The following CHODL variants were observed in gnomAD, a reference collection of about 807,000 sequenced individuals.
CHODL encodes chondrolectin, also known as transmembrane protein MT75.
In CHODL, 29 loss-of-function variants were observed where a neutral mutation model predicts 34.5. That is an observed-to-expected ratio of 0.84 (90% CI 0.63 to 1.15). The LOEUF is 1.15. Ranked by LOEUF, CHODL falls within the 50% of genes most tolerant of loss-of-function variation. CHODL has a pLI of 0.00. For synonymous variants in CHODL, 125 were observed against 116.1 expected, an observed-to-expected ratio of 1.08 and a Z score of -0.49; for missense variants, 332 against 332.5, an observed-to-expected ratio of 1.00 and a Z score of 0.01.
chr21:17,935,645 C>T (rs1159408287), intron 1 of CHODL, among the ~76,000 whole-genome samples: 1 of 152,098 alleles, frequency 6.6e-6, no homozygotes, highest in Non-Finnish European at 1.5e-5. Flanking sequence ...ATATAGATGA[C>T]ATAATTGATG....
At chr21:17,923,466 T>G (rs949103743) in intron 1 of CHODL, among the ~76,000 whole-genome samples, 2 of 150,842 alleles carry the variant, frequency 1.3e-5, no homozygotes, top group Non-Finnish European at 3.0e-5. Context: ...TCTTCAGTTT[T>G]TTTTTTTTTT....
At chr21:18,157,984 G>A (rs1057202336) in intron 2 of CHODL, among the ~76,000 whole-genome samples, 2 of 150,248 alleles carry the variant, frequency 1.3e-5, no homozygotes, top group Admixed American at 1.3e-4. Flanking sequence ...AAAAGGAAAG[G>A]CAATAATAAA....
intron 2 of CHODL, among the ~76,000 whole-genome samples, chr21:18,201,746 T>G (rs1233130240): frequency 6.6e-6 from 1 of 152,000 alleles, no homozygotes; most frequent in East Asian, 1.9e-4. Flanking sequence ...TGTTGTGACT[T>G]ATAGACCAGC....
chr21:18,092,274 C>G (rs2065083179), intron 2 of CHODL, among the ~76,000 whole-genome samples: 1 of 152,180 alleles, frequency 6.6e-6, no homozygotes, highest in African/African-American at 2.4e-5. Context: ...AAGGTGGTAC[C>G]TCTGTGAATG....
At chr21:17,979,633 T>C (rs1013844257) in intron 1 of CHODL, among the ~76,000 whole-genome samples, 1 of 152,198 alleles carries the variant, frequency 6.6e-6, no homozygotes, top group Non-Finnish European at 1.5e-5. Flanking sequence ...CTAAGTATGA[T>C]TTCTGAAGAT....
In CHODL at chr21:18,047,044, C is replaced by G. The variant is rs541649345; in HGVS notation, c.-45+19073C>G. Among the ~76,000 whole-genome samples the G allele has an allele frequency of 7.8e-4, 118 of 152,064 alleles. 1 individual carries two copies. The highest frequency in any genetic ancestry group is 2.8e-3 in the African/African-American group (116 of 41,538). ...CTCCAAAGTAAGCAGTTCCCTGACA[C>G]TGGTGATTTGCAAATATTAAATCCA... is the stretch of plus-strand genomic sequence containing the variant. On this transcript the variant is annotated intron_variant, in intron 2 of 6. Transcript: ENST00000400127.
intron 2 of CHODL, among the ~76,000 whole-genome samples, chr21:18,076,778 A>G (rs2064872040): frequency 6.6e-6 from 1 of 152,226 alleles, no homozygotes; most frequent in Non-Finnish European, 1.5e-5. Context: ...GCCACTGGAG[A>G]GAGCCCTCAT....
At chr21:18,034,700 G>A (rs1267757863) in intron 2 of CHODL, 1 of 152,030 alleles carries the variant, frequency 6.6e-6, no homozygotes, top group Non-Finnish European at 1.5e-5. Flanking sequence ...CAGGCAATCT[G>A]AATTTAGAAG....
intron 2 of CHODL, among the ~76,000 whole-genome samples, chr21:18,053,525 TAATA>T (rs1203350552): frequency 6.6e-6 from 1 of 151,952 alleles, no homozygotes; most frequent in Non-Finnish European, 1.5e-5. Flanking sequence ...CAAATGACAT[TAATA>T]TTTTAGAAAT....
chr21:18,248,673 C>CATATATATGTATATATTATATACAT (rs1171455904), intron 1 of CHODL, among the ~76,000 whole-genome samples: 1 of 107,316 alleles, frequency 9.3e-6, no homozygotes, highest in African/African-American at 3.9e-5. Context: ...ATGTATAATA[C>CATATATATGTATATATTATATACAT]ATATATGTAT....
At chr21:18,196,483 A>C (rs904518181) in intron 2 of CHODL, among the ~76,000 whole-genome samples, 4 of 152,168 alleles carry the variant, frequency 2.6e-5, no homozygotes, top group African/African-American at 9.7e-5. Context: ...GGAAATTAAC[A>C]GTAATTGGTG....
chr21:18,076,737 T>C (rs158031), intron 2 of CHODL, among the ~76,000 whole-genome samples: 54,405 of 151,978 alleles, frequency 0.36, 11,208 homozygotes, highest in East Asian at 0.86. Flanking sequence ...GCATTACAGG[T>C]CTAGGGTGCA....
chr21:17,945,061 A>C (rs2063395055), intron 1 of CHODL, among the ~76,000 whole-genome samples: 1 of 151,600 alleles, frequency 6.6e-6, no homozygotes, highest in South Asian at 2.1e-4. Flanking sequence ...ATACAAAAAA[A>C]ATTAGCCGGG....
intron 2 of CHODL, among the ~76,000 whole-genome samples, chr21:18,222,130 G>A (rs2073890222): frequency 6.6e-6 from 1 of 152,160 alleles, no homozygotes; most frequent in Non-Finnish European, 1.5e-5. Context: ...GCTTTTGGTG[G>A]TAGTGGCCTC....
Position 17,977,930 on chromosome 21 carries a change from A to AAAAAAAG in CHODL, c.-144-49938_-144-49937insAAGAAAA, listed in dbSNP as rs1157454717. ...AACACTCCCATCTCAAAAAAAAAAA[A>AAAAAAAG]AAAAGAAAAAGATACATGGAAGGTA... On this transcript the variant is annotated intron_variant, in intron 1 of 6. Coordinates refer to the CHODL transcript ENST00000400127. Among the ~76,000 whole-genome samples the AAAAAAAG allele has an allele frequency of 4.1e-4, 61 of 149,434 alleles. 3 individuals are homozygous for AAAAAAAG. Among genetic ancestry groups the AAAAAAAG allele is most frequent in the African/African-American group, 1.4e-3 (57 of 41,106 alleles).
intron 2 of CHODL, among the ~76,000 whole-genome samples, chr21:18,127,672 GTTTTTTTTTTTTTTT>G (rs71318127): frequency 1.4e-5 from 1 of 70,006 alleles, no homozygotes; most frequent in Non-Finnish European, 2.7e-5. Context: ...CGTTGCCATT[GTTTTTTTTTTTTTTT>G]TTTTTTTTTT....
At chr21:18,041,436 AT>A (rs373307102) in intron 2 of CHODL, among the ~76,000 whole-genome samples, 1,863 of 151,190 alleles carry the variant, frequency 0.012, 39 homozygotes, top group African/African-American at 0.041. Context: ...AACAATAGCT[AT>A]TTTTTTTTAA....
chr21:17,992,000 A>T (rs2063801289), intron 1 of CHODL, among the ~76,000 whole-genome samples: 1 of 152,104 alleles, frequency 6.6e-6, no homozygotes, highest in African/African-American at 2.4e-5. Flanking sequence ...TGATGTTTGT[A>T]TATGGTGAGA....
At chr21:18,108,441 C>G (rs1024027854) in intron 2 of CHODL, among the ~76,000 whole-genome samples, 8 of 152,240 alleles carry the variant, frequency 5.3e-5, no homozygotes, top group African/African-American at 9.6e-5. Context: ...ACAGCAAGTT[C>G]TATGTTGAAT....
Sources: allele counts gnomAD v4.1 joint callset (sites outside exome capture counted in the v4.1 genomes callset), GRCh38; gene constraint gnomAD v4.1.1; transcripts MANE v1.5; gene names NCBI Gene and HGNC (gene_info 2026-07-23, HGNC 2026-07-21).